GIMAP4: variants seen among roughly 807,000 people sequenced by gnomAD.
GIMAP4 encodes GTPase, IMAP family member 4, also known as GTPase IMAP family member 4.
Under a neutral mutation model 10.8 loss-of-function variants are expected in GIMAP4, and 12 were observed. The observed-to-expected ratio is 1.11, with a 90% CI of 0.71 to 1.81. GIMAP4 has a LOEUF of 1.81. Among genes scored for constraint, GIMAP4 ranks in the 40% most tolerant of loss-of-function variants. GIMAP4 has a pLI of 0.00. For missense variants in GIMAP4, 412 were observed against 404.6 expected (o/e 1.02, Z -0.16); for synonymous variants, 149 against 147.2 (o/e 1.01, Z -0.09).
intron 1 of GIMAP4, among the ~76,000 whole-genome samples, chr7:150,568,871 G>A (rs1157731258): frequency 6.6e-6 from 1 of 152,210 alleles, no homozygotes; most frequent in Non-Finnish European, 1.5e-5. Flanking sequence ...AGAGGGTGTT[G>A]CTGGTAGACA....
chr7:150,569,917 G>A lies in GIMAP4; in HGVS notation c.16G>A (p.Gly6Ser), dbSNP rs147666000. 116 of 1,585,580 alleles carry A rather than the reference G, an allele frequency of 7.3e-5. No homozygotes were observed. In the African/African-American group the frequency reaches 1.1e-3, roughly 15 times the overall value. Residue 6 changes from glycine to serine, a missense_variant, in exon 2 of 3, where the codon GGC becomes AGC. Gly to Ser is a moderately conservative substitution (Grantham distance 56). Coordinates refer to ENST00000255945, the MANE Select transcript of GIMAP4 (RefSeq NM_018326.3). ...TCAAGCGACAATGGCAGCCCAATAC[G>A]GCAGTATGAGCTTCAACCCCAGCAC... MAAQY[G>S]SMSFNPSTPG... is the part of the protein sequence containing the mutation.
chr7:150,573,822 T>C lies in GIMAP4; in HGVS notation c.*762T>C, dbSNP rs981432728. ...AGTTCTCTTCTTTTCTAGAGAAAGATAGTTGCAACCTCACCTCCCTCACTC... is the reference window on the plus strand; with the variant it reads ...AGTTCTCTTCTTTTCTAGAGAAAGACAGTTGCAACCTCACCTCCCTCACTC... On this transcript the variant is annotated 3_prime_UTR_variant, in exon 3 of 3. Coordinates refer to ENST00000255945, the MANE Select transcript of GIMAP4 (RefSeq NM_018326.3). The C allele has an allele frequency of 4.6e-5, 7 of 152,212 alleles. No homozygotes were observed. Among genetic ancestry groups the C allele is most frequent in the African/African-American group, 1.7e-4 (7 of 41,458 alleles). 9.4% of individuals were successfully genotyped at this position (152,212 alleles called of 1,614,324 possible).
At position 150,572,171 on chromosome 7, in the gene GIMAP4, T is replaced by C. The variant is rs773697587; in HGVS notation, c.101T>C (p.Val34Ala). The change falls in exon 3 of 3, where the codon GTG (valine) becomes GCG (alanine). Residue 34 changes from valine to alanine, a missense_variant. Val to Ala is a moderately conservative substitution (Grantham distance 64, BLOSUM62 0). Coordinates refer to ENST00000255945, the MANE Select transcript of GIMAP4 (RefSeq NM_018326.3). ...CCCAGAAATTCCCAATTGAGAATTG[T>C]GTTAGTGGGTAAAACCGGAGCAGGA... is the stretch of plus-strand genomic sequence containing the variant. ...QEPRNSQLRI[V>A]LVGKTGAGKS... is the part of the protein sequence containing the mutation. The C allele has an allele frequency of 7.4e-6, 12 of 1,613,646 alleles. No individual in the cohort carries two copies. Among genetic ancestry groups the C allele is most frequent in the Non-Finnish European group, 1.0e-5 (12 of 1,179,764 alleles).
chr7:150,572,270 A>G lies in GIMAP4; in HGVS notation c.200A>G (p.Lys67Arg). 1 of 1,614,200 alleles carries G rather than the reference A, an allele frequency of 6.2e-7. No homozygotes were observed. Among genetic ancestry groups the G allele is most frequent in the Non-Finnish European group, 8.5e-7 (1 of 1,180,018 alleles). The change falls in exon 3 of 3, where the codon AAG (lysine) becomes AGG (arginine). Residue 67 changes from lysine (K) to arginine (R), a missense_variant. Lys to Arg is a conservative substitution (Grantham distance 26). Coordinates refer to ENST00000255945, the MANE Select transcript of GIMAP4 (RefSeq NM_018326.3). The stretch of plus-strand genomic sequence containing the variant: ...GGCACTGCAGCAAAATCCATTACCA[A>G]GAAGTGTGAGAAACGCAGCAGCTCA... ...HSGTAAKSIT[K>R]KCEKRSSSWK...
chr7:150,568,933 A>G lies in GIMAP4; in HGVS notation c.-14-955A>G, dbSNP rs949383047. Among the ~76,000 whole-genome samples, 6 of 152,332 alleles carry G rather than the reference A, an allele frequency of 3.9e-5. No individual in the cohort carries two copies. The East Asian group carries it at 1.2e-3, about 29-fold the overall frequency. The stretch of plus-strand genomic sequence containing the variant: ...AGCCGAGGCCTGCGGGTTGAGCAGG[A>G]ACAAGCTGGGCACTAGGTTGGAGGG... On this transcript the variant is annotated intron_variant, in intron 1 of 2. Transcript: ENST00000255945.
chr7:150,573,041 G>A lies in GIMAP4; in HGVS notation c.971G>A (p.Arg324His), dbSNP rs754854047. 54 of 1,593,648 alleles carry A rather than the reference G, an allele frequency of 3.4e-5. No individual in the cohort carries two copies. Among genetic ancestry groups the A allele is most frequent in the Non-Finnish European group, 4.3e-5 (50 of 1,166,174 alleles). The change falls in exon 3 of 3, where the codon CGT (arginine) becomes CAT (histidine). Residue 324 changes from arginine to histidine, a missense_variant. Physicochemically the swap from Arg to His is conservative, Grantham distance 29. Transcript: ENST00000255945. ...ALQIASFILL[R>H]LFAED Reference sequence around the variant, plus strand: ...CAGATTGCTTCCTTTATTTTGTTACGTCTGTTCGCGGAAGATTAAACTTAA... The same window carrying A: ...CAGATTGCTTCCTTTATTTTGTTACATCTGTTCGCGGAAGATTAAACTTAA...
chr7:150,572,839 G>C lies in GIMAP4; in HGVS notation c.769G>C (p.Glu257Gln). Residue 257 changes from glutamate (E) to glutamine (Q), a missense_variant, in exon 3 of 3, where the codon GAG (glutamate) becomes CAG (glutamine). Glu to Gln is a conservative substitution (Grantham distance 29, BLOSUM62 2). Transcript: ENST00000255945. ...GGAGAGAGAGAAAGCGCGGATAAGA[G>C]AGGAGTATGAAGAGAAAATCAGAAA... Reference protein sequence around the residue: ...ELEREKARIREEYEEKIRKLE... With the variant: ...ELEREKARIRQEYEEKIRKLE... The C allele has an allele frequency of 1.2e-6, 2 of 1,613,850 alleles. No individual in the cohort carries two copies. The highest frequency in any genetic ancestry group is 1.7e-6 in the Non-Finnish European group (2 of 1,179,868).
At chr7:150,569,702 G>C (rs1795706127) in intron 1 of GIMAP4, among the ~76,000 whole-genome samples, 186 bp from the exon 2 acceptor site, 1 of 152,116 alleles carries the variant, frequency 6.6e-6, no homozygotes, top group Non-Finnish European at 1.5e-5. Context: ...TTTGTGTAAA[G>C]AAAAAGGAAC....
chr7:150,569,150 C>A (rs940337140), intron 1 of GIMAP4, among the ~76,000 whole-genome samples: 1 of 151,916 alleles, frequency 6.6e-6, no homozygotes, highest in Non-Finnish European at 1.5e-5. Context: ...GAAATTTAAA[C>A]AAGAAAAAAT....
At position 150,573,850 on chromosome 7, in the gene GIMAP4, C is replaced by T. The variant is rs1263033509; in HGVS notation, c.*790C>T. ...TTGCAACCTCACCTCCCTCACTCAA[C>T]ACTTTGAATACTTATTGTTTGGCAG... On this transcript the variant is annotated 3_prime_UTR_variant, in exon 3 of 3. Coordinates refer to ENST00000255945, the MANE Select transcript of GIMAP4 (RefSeq NM_018326.3). The T allele has an allele frequency of 6.6e-6, 1 of 152,228 alleles. No homozygotes were observed. The highest frequency in any genetic ancestry group is 1.5e-5 in the Non-Finnish European group (1 of 68,036). The allele number at this position is 152,228 out of a possible 1,614,324, so 9.4% of individuals were successfully genotyped here.
chr7:150,568,456 T>C (rs1795690050), intron 1 of GIMAP4, among the ~76,000 whole-genome samples: 1 of 152,244 alleles, frequency 6.6e-6, no homozygotes, highest in Non-Finnish European at 1.5e-5. Flanking sequence ...TTGTTCAAAG[T>C]CTGCTCCAAT....
chr7:150,568,965 C>G (rs553396633), intron 1 of GIMAP4, among the ~76,000 whole-genome samples: 5 of 151,990 alleles, frequency 3.3e-5, no homozygotes, highest in African/African-American at 1.2e-4. Context: ...AGGGTGAGTG[C>G]TCCAAAGAGA....
At chr7:150,572,045 G>A in intron 2 of GIMAP4, 84 bp from the exon 3 acceptor site, 1 of 820,880 alleles carries the variant, frequency 1.2e-6, no homozygotes, top group Non-Finnish European at 2.0e-6. Context: ...AACGGAGGAG[G>A]GCACTGGGGG....
In GIMAP4 at chr7:150,572,380, A is replaced by T; in HGVS notation, c.310A>T (p.Ile104Phe). The T allele has an allele frequency of 3.1e-6, 5 of 1,614,102 alleles. No homozygotes were observed. The highest frequency in any genetic ancestry group is 4.2e-6 in the Non-Finnish European group (5 of 1,179,972). The change falls in exon 3 of 3, where the codon ATT becomes TTT. Residue 104 changes from isoleucine (I) to phenylalanine (F), a missense_variant. Coordinates refer to ENST00000255945, the MANE Select transcript of GIMAP4 (RefSeq NM_018326.3). ...VPNAETSKEIIRCILLTSPGP... is the reference protein window; with the variant it reads ...VPNAETSKEIFRCILLTSPGP... ...CAATGCTGAAACGTCCAAGGAGATTATTCGCTGCATTCTTCTGACCTCCCC... is the reference window on the plus strand; with the variant it reads ...CAATGCTGAAACGTCCAAGGAGATTTTTCGCTGCATTCTTCTGACCTCCCC...
intron 2 of GIMAP4, 122 bp from the exon 3 acceptor site, chr7:150,572,007 A>G (rs1795734004): frequency 1.5e-6 from 1 of 649,612 alleles, no homozygotes; most frequent in Non-Finnish European, 2.7e-6. Context: ...GTGCAGCAGT[A>G]ACATCAGGAG....
At chr7:150,569,486 G>A (rs1014628579) in intron 1 of GIMAP4, among the ~76,000 whole-genome samples, 1 of 152,140 alleles carries the variant, frequency 6.6e-6, no homozygotes, top group Non-Finnish European at 1.5e-5. Context: ...TTTCGGCCAG[G>A]TTCTGTTTGA....
chr7:150,571,117 G>A (rs1330278981), intron 2 of GIMAP4, among the ~76,000 whole-genome samples: 1 of 152,134 alleles, frequency 6.6e-6, no homozygotes, highest in Non-Finnish European at 1.5e-5. Flanking sequence ...TGCCTCCCAT[G>A]ATTCTCCTAC....
intron 1 of GIMAP4, among the ~76,000 whole-genome samples, chr7:150,569,560 A>G (rs1160070240): frequency 6.6e-6 from 1 of 152,096 alleles, no homozygotes; most frequent in Non-Finnish European, 1.5e-5. Context: ...AAGCTGAGGG[A>G]GATATAAAAG....
At chr7:150,567,477 A>G (rs948513267) in intron 1 of GIMAP4, 40 bp downstream of exon 1, 2 of 152,150 alleles carry the variant, frequency 1.3e-5, no homozygotes, top group Non-Finnish European at 2.9e-5. Context: ...GTCGGGACGA[A>G]TGTGCGATTT....
Sources: allele counts gnomAD v4.1 joint callset (sites outside exome capture counted in the v4.1 genomes callset), GRCh38; gene constraint gnomAD v4.1.1; transcripts MANE v1.5; gene names NCBI Gene and HGNC (gene_info 2026-07-23, HGNC 2026-07-21).